LATS2: variants seen among roughly 807,000 people sequenced by gnomAD.
LATS2 encodes large tumor suppressor kinase 2.
Under a neutral mutation model 76.0 loss-of-function variants are expected in LATS2, and 24 were observed. The observed-to-expected ratio is 0.32, with a 90% CI of 0.23 to 0.44. The LOEUF (loss-of-function observed/expected upper bound fraction) is 0.44. Among genes scored for constraint, LATS2 ranks in the 20% least tolerant of loss-of-function variants. The pLI is 1.00. For synonymous variants in LATS2, 692 were observed against 635.4 expected, an observed-to-expected ratio of 1.09 and a Z score of -1.34; for missense variants, 1,286 against 1,481.2, an observed-to-expected ratio of 0.87 and a Z score of 2.16.
chr13:21,052,013 G>A (rs117407663), intron 1 of LATS2, among the ~76,000 whole-genome samples: 6,625 of 152,180 alleles, frequency 0.044, 322 homozygotes, highest in Admixed American at 0.14. Flanking sequence ...TAAAGTGGCT[G>A]GAGGTGGGAG....
intron 2 of LATS2, among the ~76,000 whole-genome samples, chr13:21,037,943 ACAGAATCTTCCCTTTT>A (rs1405749837): frequency 6.6e-6 from 1 of 152,154 alleles, no homozygotes; most frequent in African/African-American, 2.4e-5. Context: ...AAGGGAAATG[ACAGAATCTTCCCTTTT>A]CAGAATGAGG....
At chr13:21,038,254 G>A (rs925286217) in intron 2 of LATS2, among the ~76,000 whole-genome samples, 2 of 152,134 alleles carry the variant, frequency 1.3e-5, no homozygotes, top group Admixed American at 6.6e-5. Context: ...TGCATGAGGT[G>A]CTTCCGAGGA....
At chr13:21,052,845 A>G (rs948099260) in intron 1 of LATS2, among the ~76,000 whole-genome samples, 1 of 152,192 alleles carries the variant, frequency 6.6e-6, no homozygotes, top group African/African-American at 2.4e-5. Context: ...CTGCGGCTCA[A>G]ACAGCAGGTC....
chr13:21,028,036 C>T (rs549243886), intron 2 of LATS2, among the ~76,000 whole-genome samples: 4 of 152,082 alleles, frequency 2.6e-5, no homozygotes, highest in Admixed American at 6.5e-5. Flanking sequence ...CCCATTAACT[C>T]GTCATTTAGC....
chr13:21,018,615 C>G lies in LATS2; in HGVS notation c.342+27070G>C, dbSNP rs147810046. Among the ~76,000 whole-genome samples the G allele has an allele frequency of 9.3e-4, 142 of 152,326 alleles. 2 individuals are homozygous for G. Among genetic ancestry groups the G allele is most frequent in the African/African-American group, 3.1e-3 (127 of 41,580 alleles). ...CACCCAGGTGCCTGAGAGTGACATG[C>G]TGTTTCATACCAAGACTCTCCGAGC... is the stretch of plus-strand genomic sequence containing the variant. On this transcript the variant is annotated intron_variant, in intron 2 of 7. Transcript: ENST00000382592.
At chr13:20,999,417 T>C (rs1012873303) in intron 2 of LATS2, among the ~76,000 whole-genome samples, 1 of 152,218 alleles carries the variant, frequency 6.6e-6, no homozygotes, top group Non-Finnish European at 1.5e-5. Flanking sequence ...TTAAGGGCCA[T>C]GCTAATCTCT....
chr13:21,046,328 C>T (rs1595255811), intron 1 of LATS2, 98 bp from the exon 2 acceptor site: 1 of 313,084 alleles, frequency 3.2e-6, no homozygotes, highest in Non-Finnish European at 6.0e-6. Flanking sequence ...TGGAAATATA[C>T]CGCTTGGAAA....
At chr13:21,035,621 A>G (rs142338418) in intron 2 of LATS2, among the ~76,000 whole-genome samples, 2 of 152,374 alleles carry the variant, frequency 1.3e-5, no homozygotes, top group Non-Finnish European at 2.9e-5. Flanking sequence ...TCTCAGCAGT[A>G]AACGTTTGGT....
intron 4 of LATS2, among the ~76,000 whole-genome samples, chr13:20,987,169 T>G (rs1425314327): frequency 1.3e-5 from 2 of 152,068 alleles, no homozygotes; most frequent in African/African-American, 4.8e-5. Context: ...CGCTCCAGCC[T>G]GGGTGACAGA....
intron 1 of LATS2, among the ~76,000 whole-genome samples, chr13:21,060,745 G>A (rs944801539): frequency 6.6e-6 from 1 of 151,390 alleles, no homozygotes; most frequent in African/African-American, 2.4e-5. Flanking sequence ...GGGACGACGG[G>A]GCGGCCGGCG....
intron 2 of LATS2, among the ~76,000 whole-genome samples, chr13:21,011,670 A>C (rs1871597362): frequency 6.6e-6 from 1 of 152,038 alleles, no homozygotes; most frequent in African/African-American, 2.4e-5. Context: ...ATATAGGGGC[A>C]AAATACCAGC....
At chr13:21,037,308 G>A (rs1051008366) in intron 2 of LATS2, among the ~76,000 whole-genome samples, 2 of 152,170 alleles carry the variant, frequency 1.3e-5, no homozygotes, top group South Asian at 2.1e-4. Context: ...GGAGGCTGAC[G>A]GGGGAGAATC....
At chr13:21,048,422 T>C (rs1461602694) in intron 1 of LATS2, among the ~76,000 whole-genome samples, 2 of 152,184 alleles carry the variant, frequency 1.3e-5, no homozygotes, top group African/African-American at 2.4e-5. Context: ...GAACAATCAA[T>C]GCAAGGGAGG....
At chr13:21,058,019 G>A (rs1378712568) in intron 1 of LATS2, among the ~76,000 whole-genome samples, 2 of 152,154 alleles carry the variant, frequency 1.3e-5, no homozygotes, top group Non-Finnish European at 1.5e-5. Flanking sequence ...GTAATTTGAA[G>A]GCCGATTCCT....
At chr13:20,996,025 G>A (rs1870735126) in intron 2 of LATS2, among the ~76,000 whole-genome samples, 1 of 152,148 alleles carries the variant, frequency 6.6e-6, no homozygotes, top group African/African-American at 2.4e-5. Context: ...TTAGGATTGG[G>A]CTAATGTCTC....
chr13:20,993,966 C>T (rs983735721), intron 2 of LATS2, among the ~76,000 whole-genome samples: 18 of 152,214 alleles, frequency 1.2e-4, no homozygotes, highest in African/African-American at 3.4e-4. Flanking sequence ...ACGTGACCAA[C>T]GCTCTGTCTC....
rs559251927 is a variant in LATS2 at position 20,977,503 on chromosome 13, G to C, written c.2773-2139C>G. Among the ~76,000 whole-genome samples, 3 of 151,822 alleles carry C rather than the reference G, an allele frequency of 2.0e-5. No homozygotes were observed. The East Asian group carries it at 5.8e-4, about 29-fold the overall frequency. On this transcript the variant is annotated intron_variant, in intron 7 of 7. Coordinates refer to ENST00000382592, the MANE Select transcript of LATS2 (RefSeq NM_014572.3). ...AGTTTCTGTTTAATGGGTTTGGGAC[G>C]ATTAACACATTTGAAAATAGAGGGT... is the stretch of plus-strand genomic sequence containing the variant.
At chr13:21,001,393 C>A (rs1347588218) in intron 2 of LATS2, among the ~76,000 whole-genome samples, 1 of 152,212 alleles carries the variant, frequency 6.6e-6, no homozygotes, top group African/African-American at 2.4e-5. Context: ...CTGCAGCCCC[C>A]AGTGTGAAGC....
Position 21,019,448 on chromosome 13 carries a change from T to A in LATS2, c.342+26237A>T, listed in dbSNP as rs1429045805. 2.7e-5 allele frequency among the ~76,000 whole-genome samples: 4 copies of A among 148,456 alleles called. No homozygotes were observed. The East Asian group carries it at 7.9e-4, about 29-fold the overall frequency. On this transcript the variant is annotated intron_variant, in intron 2 of 7. Transcript: ENST00000382592. ...TTCAAGCGATTCTCCTGCCTCAGCC[T>A]CCCAAGTAGCTGGAACTACAGGTGC...
Sources: gnomAD v4.1 joint callset for allele counts (sites outside exome capture counted in the v4.1 genomes callset) on GRCh38, gnomAD v4.1.1 for gene constraint, MANE v1.5 for transcripts, NCBI Gene and HGNC (gene_info 2026-07-23, HGNC 2026-07-21) for gene names.